The following ZNF341 variants were observed in gnomAD, a reference collection of about 807,000 sequenced individuals.
ZNF341 encodes zinc finger protein 341.
In ZNF341, 52 loss-of-function variants were observed where a neutral mutation model predicts 87.7. That is an observed-to-expected ratio of 0.59 (90% confidence interval 0.47 to 0.75). ZNF341 has a LOEUF of 0.75. Among genes scored for constraint, ZNF341 ranks in the 30% least tolerant of loss-of-function variants. The pLI is 0.00. For missense variants in ZNF341, 977 were observed against 1,145.9 expected (o/e 0.85, Z 2.13); for synonymous variants, 459 against 472.7 (o/e 0.97, Z 0.38).
chr20:33,791,297 G>T lies in ZNF341; in HGVS notation c.2345G>T (p.Gly782Val), dbSNP rs150953656. The T allele has an allele frequency of 3.1e-6, 5 of 1,611,598 alleles. No homozygotes were observed. Among genetic ancestry groups the T allele is most frequent in the Non-Finnish European group, 4.2e-6 (5 of 1,179,528 alleles). Residue 782 changes from glycine (G) to valine (V), a missense_variant, in exon 15 of 15, where the codon GGG (glycine) becomes GTG (valine). Physicochemically the swap from Gly to Val is moderately radical, Grantham distance 109. Coordinates refer to ENST00000375200, the MANE Select transcript of ZNF341 (RefSeq NM_001282933.2). Reference sequence around the variant, plus strand: ...GAGGAGCTGAAGGACACAGGGGCTGGGCTGGTGCCCGAGGCTGTCCCCGGC... The same window carrying T: ...GAGGAGCTGAAGGACACAGGGGCTGTGCTGGTGCCCGAGGCTGTCCCCGGC... ...GLEELKDTGA[G>V]LVPEAVPGKP...
chr20:33,746,495 G>GTGCCAGGATAACAAGTGTGAGCC (rs1312766261), intron 3 of ZNF341, among the ~76,000 whole-genome samples: 1 of 152,080 alleles, frequency 6.6e-6, no homozygotes. Context: ...GCCGCCCAAA[G>GTGCCAGGATAACAAGTGTGAGCC]TGCCAGGATA....
In ZNF341 at chr20:33,788,913, G is replaced by A. The variant is rs1021283308; in HGVS notation, c.1903G>A (p.Asp635Asn). The change falls in exon 13 of 15, where the codon GAC becomes AAC. Residue 635 changes from aspartate to asparagine, a missense_variant. Coordinates refer to ENST00000375200, the MANE Select transcript of ZNF341 (RefSeq NM_001282933.2). ...SVCESAFNRK[D>N]KLKRHMLIHE... The stretch of plus-strand genomic sequence containing the variant: ...GTGCGAGTCTGCGTTCAACCGCAAG[G>A]ACAAACTGAAGAGACACATGTTGAT... 6.8e-6 allele frequency: 11 copies of A among 1,614,020 alleles called. No homozygotes were observed. Among genetic ancestry groups the A allele is most frequent in the Non-Finnish European group, 9.3e-6 (11 of 1,179,988 alleles).
Position 33,791,335 on chromosome 20 carries a change from G to T in ZNF341, c.2383G>T (p.Ala795Ser), listed in dbSNP as rs372072074. Residue 795 changes from alanine to serine, a missense_variant, in exon 15 of 15, where the codon GCA becomes TCA. By Grantham distance (99) the Ala-to-Ser change is moderately conservative. Coordinates refer to ENST00000375200, the MANE Select transcript of ZNF341 (RefSeq NM_001282933.2). ...GGCTGTCCCCGGCAAGCCGCCCTTC[G>T]CAGAGCCGGACGCGGTGCTGTCCAT... ...PEAVPGKPPF[A>S]EPDAVLSIVV... is the part of the protein sequence containing the mutation. 2 of 1,611,794 alleles carry T rather than the reference G, an allele frequency of 1.2e-6. No homozygotes were observed. Among genetic ancestry groups the T allele is most frequent in the African/African-American group, 2.7e-5 (2 of 74,916 alleles).
At chr20:33,752,561 G>A in intron 4 of ZNF341, 2 of 389,558 alleles carry the variant, frequency 5.1e-6, no homozygotes, top group South Asian at 4.9e-5. Flanking sequence ...GGTCCAAGAT[G>A]GAAAGGGAAG....
intron 1 of ZNF341, among the ~76,000 whole-genome samples, chr20:33,738,486 T>C (rs186851299): frequency 1.5e-4 from 23 of 152,290 alleles, no homozygotes; most frequent in African/African-American, 4.6e-4. Context: ...GTAAACTAAA[T>C]TTCTCCCTAG....
intron 10 of ZNF341, among the ~76,000 whole-genome samples, chr20:33,774,338 C>T (rs1189175763): frequency 1.3e-5 from 2 of 151,840 alleles, no homozygotes; most frequent in Non-Finnish European, 2.9e-5. Flanking sequence ...TTGATTTTTT[C>T]CCCCAATTGC....
At chr20:33,790,521 T>TG (rs779151947) in intron 14 of ZNF341, among the ~76,000 whole-genome samples, 1 of 152,158 alleles carries the variant, frequency 6.6e-6, no homozygotes, top group African/African-American at 2.4e-5. Flanking sequence ...CTGAGTCCTC[T>TG]GGGGGGTAAA....
intron 11 of ZNF341, 102 bp from the exon 12 acceptor site, chr20:33,783,630 G>C: frequency 6.5e-7 from 1 of 1,527,338 alleles, no homozygotes; most frequent in East Asian, 2.3e-5. Flanking sequence ...AGAAAGGAAG[G>C]TGTCTCTATA....
chr20:33,758,318 C>A (rs899836117), intron 6 of ZNF341, among the ~76,000 whole-genome samples: 1 of 152,136 alleles, frequency 6.6e-6, no homozygotes, highest in Admixed American at 6.6e-5. Context: ...CAAGGGGGAA[C>A]AGCAGGTGCA....
chr20:33,757,858 G>A (rs1233773132), intron 6 of ZNF341, among the ~76,000 whole-genome samples: 2 of 152,190 alleles, frequency 1.3e-5, no homozygotes, highest in Non-Finnish European at 2.9e-5. Context: ...TTCCCATTAT[G>A]GGATTTGTGA....
chr20:33,778,961 A>G (rs2019682418), intron 10 of ZNF341, among the ~76,000 whole-genome samples: 1 of 152,094 alleles, frequency 6.6e-6, no homozygotes, highest in Non-Finnish European at 1.5e-5. Context: ...TTGTGAGGAC[A>G]TGTTTATGAG....
At chr20:33,770,061 C>G in intron 9 of ZNF341, 23 bp from the exon 10 acceptor site, 1 of 1,595,496 alleles carries the variant, frequency 6.3e-7, no homozygotes, top group Non-Finnish European at 8.6e-7. Flanking sequence ...CCTCCTGTCA[C>G]CTGCCCAGCG....
At position 33,750,031 on chromosome 20, in the gene ZNF341, T is replaced by G. The variant is rs191701217; in HGVS notation, c.489+959T>G. Among the ~76,000 whole-genome samples the G allele has an allele frequency of 2.6e-3, 396 of 152,342 alleles. 3 individuals are homozygous for G. Among genetic ancestry groups the G allele is most frequent in the African/African-American group, 8.9e-3 (370 of 41,582 alleles). On this transcript the variant is annotated intron_variant, in intron 4 of 14. Coordinates refer to ENST00000375200, the MANE Select transcript of ZNF341 (RefSeq NM_001282933.2). ...GCCCAAAGTGCTGGGATCACAGGTG[T>G]GCGCCACCGCGCCCAGCCTTGTTTT...
chr20:33,759,409 C>T (rs531596050), intron 7 of ZNF341, among the ~76,000 whole-genome samples: 50 of 152,238 alleles, frequency 3.3e-4, no homozygotes, highest in African/African-American at 1.1e-3. Flanking sequence ...CTCAGCCTCC[C>T]GAGTAGCTTG....
chr20:33,736,825 G>C (rs1024238288), intron 1 of ZNF341, among the ~76,000 whole-genome samples: 1 of 152,182 alleles, frequency 6.6e-6, no homozygotes, highest in African/African-American at 2.4e-5. Flanking sequence ...TTGTTCAGGA[G>C]AGCTTGAACC....
chr20:33,759,088 G>A (rs2019239804), intron 7 of ZNF341, among the ~76,000 whole-genome samples: 1 of 152,214 alleles, frequency 6.6e-6, no homozygotes, highest in South Asian at 2.1e-4. Context: ...TCACAGATGT[G>A]TTAGTGCTGT....
intron 8 of ZNF341, 145 bp from the exon 9 acceptor site, chr20:33,766,706 G>A (rs1252767686): frequency 2.5e-6 from 2 of 788,998 alleles, no homozygotes; most frequent in South Asian, 1.9e-5. Context: ...GCAGCTGAGT[G>A]TGAGTGCAGC....
chr20:33,740,949 C>A lies in ZNF341; in HGVS notation c.79C>A (p.Gln27Lys), dbSNP rs760890330. 1 of 1,614,172 alleles carries A rather than the reference C, an allele frequency of 6.2e-7. No homozygotes were observed. Among genetic ancestry groups the A allele is most frequent in the Non-Finnish European group, 8.5e-7 (1 of 1,180,040 alleles). Residue 27 changes from glutamine to lysine, a missense_variant, in exon 2 of 15, where the codon CAA (glutamine) becomes AAA (lysine). Gln to Lys is a moderately conservative substitution (Grantham distance 53). This residue lies in a region of ZNF341 where 515 missense variants were observed against 598.2 expected (regional missense o/e 0.86). Coordinates refer to ENST00000375200, the MANE Select transcript of ZNF341 (RefSeq NM_001282933.2). ...GGCTGTCCAGTCATTATTGGATGGC[C>A]AAGGAGCAGTCCCTGATCCGACAGG... ...VLAVQSLLDG[Q>K]GAVPDPTGQS...
At chr20:33,763,805 G>A (rs1263685353) in intron 8 of ZNF341, among the ~76,000 whole-genome samples, 2 of 152,006 alleles carry the variant, frequency 1.3e-5, no homozygotes, top group Non-Finnish European at 2.9e-5. Context: ...TATTGATTTA[G>A]TTTCTTTCTT....
Sources: allele counts gnomAD v4.1 joint callset (sites outside exome capture counted in the v4.1 genomes callset), GRCh38; gene constraint gnomAD v4.1.1; regional missense constraint gnomAD v4.1.1; transcripts MANE v1.5; gene names NCBI Gene and HGNC (gene_info 2026-07-23, HGNC 2026-07-21).